Variants in IGSF9B observed in about 807,000 individuals in gnomAD.
The protein encoded by IGSF9B is protein turtle homolog B.
In IGSF9B, 48 loss-of-function variants were observed where a neutral mutation model predicts 143.7. The ratio of observed to expected loss-of-function variants is 0.33; its 90% CI spans 0.26 to 0.42. IGSF9B has a LOEUF of 0.42. Among genes scored for constraint, IGSF9B ranks in the 20% least tolerant of loss-of-function variants. The pLI, the probability that IGSF9B is intolerant of heterozygous loss-of-function variation, is 1.00. For missense variants in IGSF9B, 1,706 were observed against 1,980.0 expected (o/e 0.86, Z 2.63); for synonymous variants, 903 against 833.1 (o/e 1.08, Z -1.44).
At chr11:133,926,871 C>T in intron 13 of IGSF9B, 45 bp downstream of exon 13, 1 of 1,507,860 alleles carries the variant, frequency 6.6e-7, no homozygotes. Flanking sequence ...CCGCCCCCAC[C>T]ACCTCTACAA....
chr11:133,931,274 G>A lies in IGSF9B; in HGVS notation c.1369-140C>T. 1 of 989,960 alleles carries A rather than the reference G, an allele frequency of 1.0e-6. No individual in the cohort carries two copies. Among genetic ancestry groups the A allele is most frequent in the Non-Finnish European group, 1.5e-6 (1 of 659,806 alleles). 61.3% of individuals were successfully genotyped at this position (989,960 alleles called of 1,614,324 possible). ...TCCCGAGTGCCTGCCGCTCTTCAGG[G>A]TCAGCTCACTGCTCGGCATCTAGCC... On this transcript the variant is annotated intron_variant, in intron 10 of 19. Transcript: ENST00000533871. This position sits in a 1 kb window ranked among gnomAD's most constrained non-coding sequence, Gnocchi z 7.7.
intron 1 of IGSF9B, among the ~76,000 whole-genome samples, chr11:133,947,708 T>TTTCTCTCTC: frequency 7.4e-6 from 1 of 134,912 alleles, no homozygotes; most frequent in South Asian, 2.7e-4. Flanking sequence ...TCTGTGTTTG[T>TTTCTCTCTC]TCTCTCTCTC....
At chr11:133,921,564 C>T (rs949067168) in intron 17 of IGSF9B, among the ~76,000 whole-genome samples, 167 bp from the exon 18 acceptor site, 3 of 152,080 alleles carry the variant, frequency 2.0e-5, no homozygotes, top group South Asian at 2.1e-4. Context: ...ACCGTCTGGA[C>T]GTGAATCCTC....
rs1939806319 is a variant in IGSF9B at position 133,935,551 on chromosome 11, C to T, written c.967+66G>A. The T allele has an allele frequency of 3.3e-6, 5 of 1,503,888 alleles. No homozygotes were observed. In the East Asian group the frequency reaches 9.5e-5, roughly 29 times the overall value. The allele number at this position is 1,503,888 out of a possible 1,614,324, so 93.2% of individuals were successfully genotyped here. A position where few individuals can be genotyped will look rare whatever the true frequency, so the allele number is the denominator to read the frequency against. On this transcript the variant is annotated intron_variant, in intron 7 of 19. Coordinates refer to ENST00000533871, the MANE Select transcript of IGSF9B (RefSeq NM_001277285.4). ...TTGGTCTTTGCTACCCTCCAGCCTA[C>T]AGTCTGGCTAACACCAAAACCTTCT...
At position 133,931,997 on chromosome 11, in the gene IGSF9B, C is replaced by G; in HGVS notation, c.1110+74G>C. 6.5e-7 allele frequency: 1 copy of G among 1,542,680 alleles called. No individual in the cohort carries two copies. Among genetic ancestry groups the G allele is most frequent in the Non-Finnish European group, 8.8e-7 (1 of 1,142,400 alleles). On this transcript the variant is annotated intron_variant, in intron 8 of 19. Coordinates refer to ENST00000533871, the MANE Select transcript of IGSF9B (RefSeq NM_001277285.4). The surrounding 1 kb of genome is among the most constrained non-coding windows in gnomAD (Gnocchi z 7.7). ...AGGGGCCAGGAGTCCTGGCAGAAAT[C>G]CAGAGCCCAGAGGTGGCATCACAGT...
chr11:133,915,463 G>A (rs1939364249), intron 18 of IGSF9B, among the ~76,000 whole-genome samples: 1 of 151,806 alleles, frequency 6.6e-6, no homozygotes, highest in Non-Finnish European at 1.5e-5. Context: ...CAGAGATGGG[G>A]CTTCACTATG....
Position 133,931,009 on chromosome 11 carries a change from A to G in IGSF9B, c.1494T>C (p.Thr498=), listed in dbSNP as rs1939716887. The change falls in exon 11 of 20, where the codon ACT becomes ACC. Residue 498 remains threonine, a synonymous_variant. Coordinates refer to ENST00000533871, the MANE Select transcript of IGSF9B (RefSeq NM_001277285.4). This position sits in a 1 kb window ranked among gnomAD's most constrained non-coding sequence, Gnocchi z 7.7. ...CVATNVVTSI[T]ASTHLTVIGT... ...CGATGACGGTGAGGTGGGTGCTGGC[A>G]GTGATGCTCGTGACCACGTTGGTGG... 1.2e-6 allele frequency: 2 copies of G among 1,613,034 alleles called. No homozygotes were observed. The highest frequency in any genetic ancestry group is 1.1e-5 in the South Asian group (1 of 91,002).
At chr11:133,916,103 ACAGT>A (rs1216792428) in intron 18 of IGSF9B, among the ~76,000 whole-genome samples, 2 of 152,290 alleles carry the variant, frequency 1.3e-5, no homozygotes, top group East Asian at 3.9e-4. Flanking sequence ...CCCTGCGGTG[ACAGT>A]CAGCCTGAAT....
At chr11:133,937,346 G>A in intron 5 of IGSF9B, 30 bp downstream of exon 5, 2 of 1,531,724 alleles carry the variant, frequency 1.3e-6, no homozygotes, top group Non-Finnish European at 1.8e-6. Context: ...GGGAGCCCAG[G>A]GTTAAAGAGG....
rs184037501 is a variant in IGSF9B, at chr11:133,944,158, C to T, written c.409+62G>A. 6,502 of 1,522,948 alleles carry T rather than the reference C, an allele frequency of 4.3e-3. 16 individuals carry two copies. The highest frequency in any genetic ancestry group is 5.2e-3 in the Non-Finnish European group (5,937 of 1,132,388). The allele number at this position is 1,522,948 out of a possible 1,614,324, so 94.3% of individuals were successfully genotyped here. A position where few individuals can be genotyped will look rare whatever the true frequency, so the allele number is the denominator to read the frequency against. ...GGCTTCCCCTGGGGCAGGCCCACCC[C>T]GGAAACAGCCCTCAGGCACCGTTGA... On this transcript the variant is annotated intron_variant, in intron 3 of 19. Transcript: ENST00000533871.
rs1939146558 is a variant in IGSF9B at position 133,902,295 on chromosome 11, C to T, written c.*6774G>A. Among the ~76,000 whole-genome samples the T allele has an allele frequency of 1.4e-5, 2 of 148,070 alleles. No individual in the cohort carries two copies. The highest frequency in any genetic ancestry group is 4.4e-4 in the South Asian group (2 of 4,546). The stretch of plus-strand genomic sequence containing the variant: ...ACACACACACACCAGACACATCACA[C>T]ATACACGCACACCACAGATACACAC... On this transcript the variant is annotated 3_prime_UTR_variant, in exon 20 of 20. Transcript: ENST00000533871.
At position 133,905,856 on chromosome 11, in the gene IGSF9B, A is replaced by G. The variant is rs1344828135; in HGVS notation, c.*3213T>C. ...GGGAGCCCACGGCAGCCCACCAGCA[A>G]ATCAAGACAGGCTTCGCCTCTCTGC... On this transcript the variant is annotated 3_prime_UTR_variant, in exon 20 of 20. Transcript: ENST00000533871. The surrounding 1 kb of genome is among the most constrained non-coding windows in gnomAD (Gnocchi z 4.0). Among the ~76,000 whole-genome samples the G allele has an allele frequency of 6.6e-6, 1 of 152,222 alleles. No individual in the cohort carries two copies. Among genetic ancestry groups the G allele is most frequent in the African/African-American group, 2.4e-5 (1 of 41,460 alleles).
intron 14 of IGSF9B, 55 bp downstream of exon 14, chr11:133,925,684 G>A: frequency 6.7e-7 from 1 of 1,487,670 alleles, no homozygotes; most frequent in South Asian, 1.2e-5. Flanking sequence ...TGCCTCTAGA[G>A]TCTTGTCGCT....
rs1186057428 is a variant in IGSF9B at position 133,920,445 on chromosome 11, T to A, written c.3280A>T (p.Ile1094Phe). 4 of 1,570,502 alleles carry A rather than the reference T, an allele frequency of 2.5e-6. No homozygotes were observed. The highest frequency in any genetic ancestry group is 3.5e-6 in the Non-Finnish European group (4 of 1,159,110). Residue 1094 changes from isoleucine (I) to phenylalanine (F), a missense_variant, in exon 18 of 20, where the codon ATC becomes TTC. Transcript: ENST00000533871. Reference sequence around the variant, plus strand: ...CCCTTCGGTGCCTCCAGAGACAGGATGCCCGGGTAGGCCGCGGGCACCTGC... The same window carrying A: ...CCCTTCGGTGCCTCCAGAGACAGGAAGCCCGGGTAGGCCGCGGGCACCTGC... ...SLQVPAAYPG[I>F]LSLEAPKGWA...
At chr11:133,933,800 C>T (rs1939775267) in intron 7 of IGSF9B, among the ~76,000 whole-genome samples, 1 of 152,094 alleles carries the variant, frequency 6.6e-6, no homozygotes, top group African/African-American at 2.4e-5. Flanking sequence ...TGAGTCACCT[C>T]CTCTCAGTAC....
In IGSF9B at chr11:133,922,203, G is replaced by T. The variant is rs777467319; in HGVS notation, c.2301C>A (p.Thr767=). The T allele has an allele frequency of 6.2e-5, 100 of 1,613,096 alleles. No individual in the cohort carries two copies. The Middle Eastern group carries it at 6.6e-4, about 11-fold the overall frequency. ...GAGACTCCAGGCTCTTCCTGCAGTG[G>T]GTGATGGAGAGTGGAGGGTCTGGAA... The part of the protein sequence containing the change: ...KRKKDPPLSI[T]HCRKSLESPL... Residue 767 remains threonine (T), a synonymous_variant, in exon 17 of 20, where the codon ACC becomes ACA. Coordinates refer to ENST00000533871, the MANE Select transcript of IGSF9B (RefSeq NM_001277285.4).
At position 133,922,206 on chromosome 11, in the gene IGSF9B, G is replaced by T. The variant is rs367800962; in HGVS notation, c.2298C>A (p.Ile766=). 1.1e-5 allele frequency: 18 copies of T among 1,613,036 alleles called. No individual in the cohort carries two copies. In the East Asian group the frequency reaches 3.8e-4, roughly 34 times the overall value. Residue 766 remains isoleucine (I), a synonymous_variant, in exon 17 of 20, where the codon ATC becomes ATA. Transcript: ENST00000533871. ...LKRKKDPPLS[I]THCRKSLESP... ...ACTCCAGGCTCTTCCTGCAGTGGGTGATGGAGAGTGGAGGGTCTGGAAGGA... is the reference window on the plus strand; with the variant it reads ...ACTCCAGGCTCTTCCTGCAGTGGGTTATGGAGAGTGGAGGGTCTGGAAGGA...
Position 133,924,803 on chromosome 11 carries a change from C to A in IGSF9B, c.2119+17G>T. On this transcript the variant is annotated intron_variant, in intron 15 of 19. Coordinates refer to ENST00000533871, the MANE Select transcript of IGSF9B (RefSeq NM_001277285.4). ...TTATGTCCCTATAGTTGCAAGAGCA[C>A]CCTCAACCCAAAATACCTGTGCTGG... The A allele has an allele frequency of 1.2e-6, 2 of 1,609,980 alleles. No individual in the cohort carries two copies. Among genetic ancestry groups the A allele is most frequent in the Non-Finnish European group, 1.7e-6 (2 of 1,176,554 alleles).
At position 133,920,774 on chromosome 11, in the gene IGSF9B, T is replaced by C; in HGVS notation, c.2951A>G (p.Tyr984Cys). The change falls in exon 18 of 20, where the codon TAC becomes TGC. Residue 984 changes from tyrosine to cysteine, a missense_variant. Physicochemically the swap from Tyr to Cys is radical, Grantham distance 194. Transcript: ENST00000533871. Reference protein sequence around the residue: ...SPGEVEPPPFYVPEVGSPLSS... With the variant: ...SPGEVEPPPFCVPEVGSPLSS... ...CAGGGGGCTGCCCACTTCTGGCACG[T>C]AGAACGGGGGCGGCTCCACCTCCCC... The C allele has an allele frequency of 3.1e-6, 5 of 1,611,258 alleles. No homozygotes were observed. The highest frequency in any genetic ancestry group is 4.2e-6 in the Non-Finnish European group (5 of 1,178,962).
Sources: gnomAD v4.1 joint callset for allele counts (sites outside exome capture counted in the v4.1 genomes callset) on GRCh38, gnomAD v4.1.1 for gene constraint, Gnocchi (gnomAD v3.1) non-coding constraint, MANE v1.5 for transcripts, NCBI Gene and HGNC (gene_info 2026-07-23, HGNC 2026-07-21) for gene names.